MARK4: variants seen among roughly 807,000 people sequenced by gnomAD.
MARK4 encodes the protein microtubule affinity regulating kinase 4, also known as MAP/microtubule affinity-regulating kinase 4.
Under a neutral mutation model 81.5 loss-of-function variants are expected in MARK4, and 19 were observed. The observed-to-expected ratio is 0.23, with a 90% confidence interval of 0.16 to 0.34. The LOEUF (loss-of-function observed/expected upper bound fraction) is 0.34. Among genes scored for constraint, MARK4 ranks in the 10% least tolerant of loss-of-function variants. MARK4 has a pLI of 1.00. For synonymous variants in MARK4, 436 were observed against 439.0 expected, an observed-to-expected ratio of 0.99 and a Z score of 0.08; for missense variants, 772 against 1,058.8, an observed-to-expected ratio of 0.73 and a Z score of 3.76.
chr19:45,278,592 A>G lies in MARK4; in HGVS notation c.983A>G (p.Asp328Gly). ...ELKPYTEPEE[D>G]FGDTKRIEVM... ...AAGCCATACACAGAGCCCGAGGAGG[A>G]CTTCGGGGACACCAAGAGAATTGGT... Residue 328 changes from aspartate to glycine, a missense_variant, in exon 10 of 17, where the codon GAC becomes GGC. Transcript: ENST00000262891. The G allele has an allele frequency of 6.2e-7, 1 of 1,613,612 alleles. No homozygotes were observed. Among genetic ancestry groups the G allele is most frequent in the Non-Finnish European group, 8.5e-7 (1 of 1,179,752 alleles).
chr19:45,301,315 G>C (rs1426958067), intron 16 of MARK4, among the ~76,000 whole-genome samples: 1 of 152,002 alleles, frequency 6.6e-6, no homozygotes, highest in Non-Finnish European at 1.5e-5. Context: ...TGTAATCCCA[G>C]CACTTTGGGA....
intron 15 of MARK4, among the ~76,000 whole-genome samples, chr19:45,298,651 G>A (rs542655143): frequency 2.6e-5 from 4 of 152,266 alleles, no homozygotes; most frequent in Admixed American, 1.3e-4. Flanking sequence ...AGTAGAGGGT[G>A]AGCAAAATGT....
chr19:45,291,386 C>G (rs1970818037), intron 13 of MARK4, among the ~76,000 whole-genome samples: 2 of 152,142 alleles, frequency 1.3e-5, no homozygotes, highest in African/African-American at 2.4e-5. Flanking sequence ...GTGGCTCATG[C>G]CTGTAAGCCC....
chr19:45,271,406 C>T lies in MARK4; in HGVS notation c.550-66C>T, dbSNP rs1205930857. The stretch of plus-strand genomic sequence containing the variant: ...CCCTAGAGCCTGTGCTCCTGTCTGC[C>T]TCCCACGTCCATGAAAGGCTTTGGC... On this transcript the variant is annotated intron_variant, in intron 7 of 16. Coordinates refer to ENST00000262891, the MANE Select transcript of MARK4 (RefSeq NM_001199867.2). This position sits in a 1 kb window ranked among gnomAD's most constrained non-coding sequence, Gnocchi z 4.1. 16 of 1,513,818 alleles carry T rather than the reference C, an allele frequency of 1.1e-5. No homozygotes were observed. The highest frequency in any genetic ancestry group is 2.4e-5 in the South Asian group (2 of 82,510). The allele number at this position is 1,513,818 out of a possible 1,614,324, so 93.8% of individuals were successfully genotyped here. A position where few individuals can be genotyped will look rare whatever the true frequency, so the allele number is the denominator to read the frequency against.
In MARK4 at chr19:45,303,140, TTCCCCTCCCG is replaced by T; in HGVS notation, c.*438_*447del. 5.0e-6 allele frequency: 1 copy of T among 199,438 alleles called. No homozygotes were observed. Among genetic ancestry groups the T allele is most frequent in the South Asian group, 9.2e-5 (1 of 10,906 alleles). The allele number at this position is 199,438 out of a possible 1,614,324, so 12.4% of individuals were successfully genotyped here. On this transcript the variant is annotated 3_prime_UTR_variant, in exon 17 of 17. Coordinates refer to ENST00000262891, the MANE Select transcript of MARK4 (RefSeq NM_001199867.2). ...AGTGGGGGTCAGAGAGGCAGATTCC[TTCCCCTCCCG>T]TCCCCTCACGCTCAAACCCCCACTT...
At chr19:45,270,608 CT>C (rs1053209328) in intron 7 of MARK4, among the ~76,000 whole-genome samples, 5 of 151,100 alleles carry the variant, frequency 3.3e-5, no homozygotes, top group Non-Finnish European at 7.4e-5. Flanking sequence ...TCTAGCTTTT[CT>C]TTTTTTTTGA....
At chr19:45,262,972 C>T (rs1970398782) in intron 2 of MARK4, 141 bp from the exon 3 acceptor site, 1 of 909,324 alleles carries the variant, frequency 1.1e-6, no homozygotes. Flanking sequence ...GTCGTGTTGA[C>T]CAGGCTGGTC....
intron 8 of MARK4, among the ~76,000 whole-genome samples, chr19:45,274,684 G>A (rs1970576830): frequency 6.6e-6 from 1 of 152,088 alleles, no homozygotes; most frequent in South Asian, 2.1e-4. Flanking sequence ...TCCGGCCATA[G>A]CTGAAGTCTG....
intron 1 of MARK4, 105 bp downstream of exon 1, chr19:45,251,744 G>T: frequency 9.3e-7 from 1 of 1,075,090 alleles, no homozygotes; most frequent in Non-Finnish European, 1.3e-6. Flanking sequence ...CGTTTCCTGG[G>T]CCCGACCCGG....
At chr19:45,256,930 T>C (rs144363028) in intron 1 of MARK4, among the ~76,000 whole-genome samples, 7 of 152,212 alleles carry the variant, frequency 4.6e-5, no homozygotes, top group African/African-American at 7.2e-5. Flanking sequence ...ATAGCTGTTA[T>C]GGTGATCTGA....
At chr19:45,251,666 G>C (rs1970243520) in intron 1 of MARK4, 27 bp downstream of exon 1, 1 of 1,514,180 alleles carries the variant, frequency 6.6e-7, no homozygotes, top group Non-Finnish European at 8.8e-7. Flanking sequence ...CCCTTGGGGA[G>C]CCCTGGCTGG....
chr19:45,280,087 GCCTGTAATC>G (rs1191780140), intron 10 of MARK4: 4 of 376,342 alleles, frequency 1.1e-5, no homozygotes, highest in African/African-American at 8.3e-5. Flanking sequence ...AGTGGCTTAT[GCCTGTAATC>G]CCAGCACTTT....
intron 1 of MARK4, among the ~76,000 whole-genome samples, chr19:45,253,476 T>C (rs920006071): frequency 6.6e-6 from 1 of 152,088 alleles, no homozygotes; most frequent in Non-Finnish European, 1.5e-5. Flanking sequence ...AAAATAGGGG[T>C]GACCGCTTGA....
intron 1 of MARK4, among the ~76,000 whole-genome samples, chr19:45,254,299 G>C (rs1030921828): frequency 6.6e-6 from 1 of 152,188 alleles, no homozygotes; most frequent in Non-Finnish European, 1.5e-5. Context: ...CACTGCCCCA[G>C]CTGCCCCTCG....
chr19:45,259,055 G>T lies in MARK4; in HGVS notation c.118G>T (p.Ala40Ser). 1 of 1,613,992 alleles carries T rather than the reference G, an allele frequency of 6.2e-7. No individual in the cohort carries two copies. Among genetic ancestry groups the T allele is most frequent in the Non-Finnish European group, 8.5e-7 (1 of 1,180,020 alleles). Residue 40 changes from alanine to serine, a missense_variant, in exon 2 of 17, where the codon GCC becomes TCC. Physicochemically the swap from Ala to Ser is moderately conservative, Grantham distance 99. Transcript: ENST00000262891. ...GPSWSSRSLG[A>S]RCRNSIASCP... ...GTCCTGGTCCAGCCGCTCACTGGGT[G>T]CCCGTTGCCGGAACTCCATCGCCTC...
At chr19:45,300,970 C>T (rs1269062031) in intron 16 of MARK4, among the ~76,000 whole-genome samples, 2 of 152,082 alleles carry the variant, frequency 1.3e-5, no homozygotes, top group Admixed American at 1.3e-4. Flanking sequence ...CTGGGATGCT[C>T]ATGTAGAGCA....
intron 12 of MARK4, among the ~76,000 whole-genome samples, chr19:45,284,862 G>A (rs951820265): frequency 7.9e-5 from 12 of 152,068 alleles, no homozygotes; most frequent in Admixed American, 5.9e-4. Context: ...AGGCCGAGCT[G>A]GGTGGATCAC....
At chr19:45,267,418 C>T (rs140300271) in intron 7 of MARK4, among the ~76,000 whole-genome samples, 5 of 152,252 alleles carry the variant, frequency 3.3e-5, no homozygotes, top group East Asian at 1.9e-4. Context: ...AGGGACTCAA[C>T]GGGGCTCCAG....
rs752821040 is a variant in MARK4, at chr19:45,280,399, A to G, written c.1032A>G (p.Thr344=). The change falls in exon 11 of 17, where the codon ACA becomes ACG. Residue 344 remains threonine (T), a synonymous_variant. Transcript: ENST00000262891. ...RIEVMVGMGY[T]REEIKESLTS... is the part of the protein sequence containing the mutation. ...AGGTGATGGTGGGTATGGGCTACAC[A>G]CGGGAAGAAATCAAAGAGTCCTTGA... 6.2e-7 allele frequency: 1 copy of G among 1,614,052 alleles called. No homozygotes were observed. The highest frequency in any genetic ancestry group is 8.5e-7 in the Non-Finnish European group (1 of 1,179,988).
Sources: gnomAD v4.1 joint callset for allele counts (sites outside exome capture counted in the v4.1 genomes callset) on GRCh38, gnomAD v4.1.1 for gene constraint, Gnocchi (gnomAD v3.1) non-coding constraint, MANE v1.5 for transcripts, NCBI Gene and HGNC (gene_info 2026-07-23, HGNC 2026-07-21) for gene names.